COA1: variants seen among roughly 807,000 people sequenced by gnomAD.
COA1 encodes the protein cytochrome c oxidase assembly factor 1.
COA1 carries 13 observed loss-of-function variants against 16.0 expected under a neutral mutation model. That is an observed-to-expected ratio of 0.81 (90% CI 0.53 to 1.29). The LOEUF (loss-of-function observed/expected upper bound fraction) is 1.29. Among genes scored for constraint, COA1 ranks in the 50% most tolerant of loss-of-function variants. The probability of loss-of-function intolerance (pLI) is 0.00; values close to 1 mark genes in which losing one functional copy is unlikely to be tolerated. For synonymous variants in COA1, 65 were observed against 65.7 expected (o/e 0.99, Z 0.05); for missense variants, 179 against 177.0 (o/e 1.01, Z -0.06).
At chr7:43,709,912 C>T (rs1204074828) in intron 1 of COA1, among the ~76,000 whole-genome samples, 1 of 152,106 alleles carries the variant, frequency 6.6e-6, no homozygotes, top group Non-Finnish European at 1.5e-5. Flanking sequence ...TAGATTTGAA[C>T]CTAGAAATGT....
chr7:43,633,925 C>T (rs1332424193), intron 6 of COA1, among the ~76,000 whole-genome samples: 2 of 152,106 alleles, frequency 1.3e-5, no homozygotes, highest in Non-Finnish European at 2.9e-5. Context: ...GTTTTCTCCG[C>T]TCAGATTTTT....
At chr7:43,662,681 T>C (rs568133059) in intron 1 of COA1, among the ~76,000 whole-genome samples, 5 of 152,376 alleles carry the variant, frequency 3.3e-5, no homozygotes, top group African/African-American at 1.2e-4. Context: ...TTCATAAAGA[T>C]ATGCCATTTA....
intron 1 of COA1, among the ~76,000 whole-genome samples, chr7:43,694,096 G>A (rs376901931): frequency 5.8e-4 from 86 of 148,630 alleles, no homozygotes; most frequent in African/African-American, 2.1e-3. Context: ...ATGGATGCAT[G>A]CTCTGTGCTC....
chr7:43,695,306 C>A (rs1563398632), intron 1 of COA1, among the ~76,000 whole-genome samples: 1 of 152,060 alleles, frequency 6.6e-6, no homozygotes, highest in Non-Finnish European at 1.5e-5. Context: ...TGTCTCCCCT[C>A]ATCTCCTTCT....
chr7:43,721,819 G>A (rs1234247572), intron 1 of COA1, among the ~76,000 whole-genome samples: 2 of 151,898 alleles, frequency 1.3e-5, no homozygotes, highest in African/African-American at 4.8e-5. Flanking sequence ...CAAATACTCA[G>A]TACCATGGGA....
At chr7:43,642,234 G>A (rs2087357037) in intron 4 of COA1, 1 of 152,460 alleles carries the variant, frequency 6.6e-6, no homozygotes, top group Non-Finnish European at 1.5e-5. Context: ...TGGATCACTT[G>A]AGGCCAGGAG....
chr7:43,642,343 A>C (rs1046392749), intron 4 of COA1, among the ~76,000 whole-genome samples: 20 of 152,128 alleles, frequency 1.3e-4, no homozygotes, highest in African/African-American at 4.8e-4. Flanking sequence ...CCAGCTACTC[A>C]GGAGAGTGAG....
chr7:43,728,975 G>A (rs2095680884), intron 1 of COA1, among the ~76,000 whole-genome samples: 4 of 152,166 alleles, frequency 2.6e-5, no homozygotes, highest in African/African-American at 9.7e-5. Context: ...CTGTTGGGAG[G>A]GTTTTTCTGT....
At chr7:43,673,241 T>TA (rs1348200018) in intron 1 of COA1, among the ~76,000 whole-genome samples, 3 of 151,908 alleles carry the variant, frequency 2.0e-5, no homozygotes, top group African/African-American at 7.3e-5. Context: ...CAGAAGAAAA[T>TA]ATGTGCAAAT....
chr7:43,697,644 C>G (rs1278098122), intron 1 of COA1, among the ~76,000 whole-genome samples: 3 of 152,170 alleles, frequency 2.0e-5, no homozygotes, highest in Non-Finnish European at 4.4e-5. Context: ...CCAGCTTCTT[C>G]TAATTGAAAT....
In COA1 at chr7:43,644,010, G is replaced by T. The variant is rs193028428; in HGVS notation, c.264+1241C>A. ...AGCACACACCTTCCAAGATGACACT[G>T]TGGCCCCTGGTGGCCGCAGCCCCTC... On this transcript the variant is annotated intron_variant, in intron 4 of 5. Transcript: ENST00000223336. Among the ~76,000 whole-genome samples the T allele has an allele frequency of 1.1e-3, 163 of 152,180 alleles. 1 individual carries two copies. The highest frequency in any genetic ancestry group is 3.8e-3 in the African/African-American group (157 of 41,516).
intron 1 of COA1, among the ~76,000 whole-genome samples, chr7:43,698,143 T>C (rs558874123): frequency 6.6e-5 from 10 of 152,234 alleles, no homozygotes; most frequent in African/African-American, 2.2e-4. Context: ...GCATAACCTA[T>C]AGAAAAACTG....
intron 1 of COA1, among the ~76,000 whole-genome samples, chr7:43,725,163 G>A (rs1346193932): frequency 2.6e-5 from 4 of 152,050 alleles, no homozygotes; most frequent in South Asian, 2.1e-4. Flanking sequence ...ACTTGAACCC[G>A]GGAGGTGGGG....
chr7:43,639,764 AGTT>A, intron 5 of COA1, 83 bp from the exon 6 acceptor site: 1 of 1,062,434 alleles, frequency 9.4e-7, no homozygotes, highest in Non-Finnish European at 1.4e-6. Context: ...CGCGGAAAGC[AGTT>A]GTTTTGAATA....
At chr7:43,689,748 CAG>C (rs2094190749) in intron 1 of COA1, among the ~76,000 whole-genome samples, 1 of 151,990 alleles carries the variant, frequency 6.6e-6, no homozygotes, top group South Asian at 2.1e-4. Flanking sequence ...GCACAAGGGA[CAG>C]GGGGTTAGAA....
chr7:43,694,279 T>A (rs2094464066), intron 1 of COA1, among the ~76,000 whole-genome samples: 1 of 151,236 alleles, frequency 6.6e-6, no homozygotes, highest in South Asian at 2.1e-4. Context: ...AAAAGCACTC[T>A]TAATCCCATA....
intron 1 of COA1, among the ~76,000 whole-genome samples, chr7:43,677,986 C>T (rs1029333430): frequency 2.0e-5 from 3 of 151,954 alleles, no homozygotes; most frequent in African/African-American, 7.3e-5. Context: ...TGCAACCAAA[C>T]AGTATTTAAA....
At position 43,620,213 on chromosome 7, in the gene COA1, G is replaced by A. The variant is rs28707410; in HGVS notation, c.*134-10718C>T. Among the ~76,000 whole-genome samples, 1,078 of 152,316 alleles carry A rather than the reference G, an allele frequency of 7.1e-3. 10 individuals are homozygous for A. The highest frequency in any genetic ancestry group is 0.025 in the African/African-American group (1,022 of 41,562). ...TGAAGGTAGCAGCAAGAAAGCAGCT[G>A]AATGATGATACTCCATGGGTGTAGG... On this transcript the variant is annotated intron_variant and NMD_transcript_variant, in intron 6 of 6. Transcript: ENST00000415076.
At chr7:43,627,791 C>T (rs112109127) in intron 6 of COA1, among the ~76,000 whole-genome samples, 2 of 152,250 alleles carry the variant, frequency 1.3e-5, no homozygotes, top group African/African-American at 4.8e-5. Context: ...TCCATACAGT[C>T]TCATCAGGCT....
Sources: allele counts gnomAD v4.1 joint callset (sites outside exome capture counted in the v4.1 genomes callset), GRCh38; gene constraint gnomAD v4.1.1; transcripts MANE v1.5; gene names NCBI Gene and HGNC (gene_info 2026-07-23, HGNC 2026-07-21).